The following NTM variants were observed in gnomAD, a reference collection of about 807,000 sequenced individuals.
NTM encodes the protein IgLON family member 2.
Under a neutral mutation model 42.1 loss-of-function variants are expected in NTM, and 13 were observed. The observed-to-expected ratio is 0.31, with a 90% CI of 0.20 to 0.49. The LOEUF (loss-of-function observed/expected upper bound fraction) is 0.49. Ranked by LOEUF, NTM falls within the 20% of genes least tolerant of loss-of-function variation. The pLI is 0.99. For missense variants in NTM, 373 were observed against 452.8 expected (o/e 0.82, Z 1.60); for synonymous variants, 187 against 179.2 (o/e 1.04, Z -0.35).
chr11:131,805,658 T>C (rs1332827706), intron 1 of NTM, among the ~76,000 whole-genome samples: 1 of 152,250 alleles, frequency 6.6e-6, no homozygotes, highest in Non-Finnish European at 1.5e-5. Context: ...TGTTAATTCA[T>C]GTTCTTTCTT....
chr11:131,605,100 A>G (rs557425760), intron 1 of NTM, among the ~76,000 whole-genome samples: 8 of 152,044 alleles, frequency 5.3e-5, no homozygotes, highest in Non-Finnish European at 7.4e-5. Context: ...CTGCAAAAAA[A>G]AAAGCCACAT....
intron 3 of NTM, among the ~76,000 whole-genome samples, chr11:132,199,285 C>T (rs1386255591): frequency 6.6e-6 from 1 of 152,132 alleles, no homozygotes; most frequent in African/African-American, 2.4e-5. Context: ...TCACCTAATT[C>T]ATATGGAGGA....
intron 2 of NTM, among the ~76,000 whole-genome samples, chr11:132,005,687 T>G (rs1565930666): frequency 6.6e-6 from 1 of 152,186 alleles, no homozygotes. Context: ...TTGTGTGGTG[T>G]TGTTTTCATA....
At chr11:131,694,935 G>A (rs2075255025) in intron 1 of NTM, among the ~76,000 whole-genome samples, 3 of 152,202 alleles carry the variant, frequency 2.0e-5, no homozygotes, top group African/African-American at 7.2e-5. Flanking sequence ...GCCGGAATGG[G>A]GCCTGGGAAG....
intron 2 of NTM, among the ~76,000 whole-genome samples, chr11:132,009,614 C>T (rs1396363979): frequency 2.0e-5 from 3 of 152,334 alleles, no homozygotes; most frequent in Non-Finnish European, 4.4e-5. Context: ...GCCCTAATTC[C>T]GGTGCACTGC....
intron 1 of NTM, among the ~76,000 whole-genome samples, chr11:131,516,325 C>A (rs1006286798): frequency 6.6e-6 from 1 of 152,204 alleles, no homozygotes; most frequent in African/African-American, 2.4e-5. Context: ...CTTCTGAATT[C>A]AGTCTTCTGA....
chr11:132,213,170 G>A (rs1196339627), intron 4 of NTM, among the ~76,000 whole-genome samples: 2 of 152,162 alleles, frequency 1.3e-5, no homozygotes, highest in Non-Finnish European at 2.9e-5. Flanking sequence ...ATATGTGCCG[G>A]TGTGCACAGA....
chr11:131,894,470 G>A (rs1236531976), intron 1 of NTM, among the ~76,000 whole-genome samples: 1 of 152,200 alleles, frequency 6.6e-6, no homozygotes, highest in Non-Finnish European at 1.5e-5. Flanking sequence ...GCTCTGAAAA[G>A]CAGTACTGAG....
intron 3 of NTM, among the ~76,000 whole-genome samples, chr11:132,155,626 G>GT (rs1170195314): frequency 2.0e-5 from 3 of 152,152 alleles, no homozygotes; most frequent in African/African-American, 7.2e-5. Context: ...TCACAGTTTT[G>GT]TTTGGGCATG....
chr11:132,149,017 G>A (rs1020341295), intron 3 of NTM, among the ~76,000 whole-genome samples: 1 of 152,066 alleles, frequency 6.6e-6, no homozygotes. Flanking sequence ...AACAAGCTGG[G>A]TTAAAAAAGG....
chr11:131,690,032 G>A (rs1214714706), intron 1 of NTM, among the ~76,000 whole-genome samples: 1 of 152,162 alleles, frequency 6.6e-6, no homozygotes, highest in Non-Finnish European at 1.5e-5. Flanking sequence ...AGAGACCCAT[G>A]TTGCTGAATT....
intron 1 of NTM, among the ~76,000 whole-genome samples, chr11:131,894,105 T>A (rs2051827717): frequency 6.6e-6 from 1 of 152,160 alleles, no homozygotes; most frequent in Non-Finnish European, 1.5e-5. Flanking sequence ...ACCGAACACC[T>A]CTGTGAACAA....
chr11:132,320,930 C>T (rs1238013639), intron 7 of NTM, among the ~76,000 whole-genome samples: 4 of 150,956 alleles, frequency 2.6e-5, no homozygotes, highest in Admixed American at 6.6e-5. Flanking sequence ...ACACCTCACA[C>T]TGCAGGGTAC....
At chr11:132,323,788 C>G (rs201373521) in intron 7 of NTM, among the ~76,000 whole-genome samples, 303 of 142,782 alleles carry the variant, frequency 2.1e-3, no homozygotes, top group Middle Eastern at 7.5e-3. Context: ...AAAATACTGG[C>G]AAACTGAATC....
At chr11:132,080,068 G>A (rs909506052) in intron 2 of NTM, among the ~76,000 whole-genome samples, 3 of 152,174 alleles carry the variant, frequency 2.0e-5, no homozygotes, top group African/African-American at 7.2e-5. Context: ...TATGATAAAT[G>A]TGAAGAGTTT....
intron 1 of NTM, among the ~76,000 whole-genome samples, chr11:131,643,792 A>G (rs1166495089): frequency 1.3e-5 from 2 of 151,280 alleles, no homozygotes; most frequent in Non-Finnish European, 2.9e-5. Flanking sequence ...GTCACAGAAT[A>G]CAGGGCCAGG....
chr11:132,070,422 T>C (rs2057379219), intron 2 of NTM, among the ~76,000 whole-genome samples: 3 of 127,340 alleles, frequency 2.4e-5, no homozygotes, highest in Non-Finnish European at 3.3e-5. Flanking sequence ...AAACTGACCG[T>C]CACAGGTTAG....
At chr11:132,136,751 G>A (rs571379619) in intron 2 of NTM, among the ~76,000 whole-genome samples, 75 of 152,260 alleles carry the variant, frequency 4.9e-4, no homozygotes, top group African/African-American at 1.8e-3. Flanking sequence ...TCATGTTCAA[G>A]TTCTAAGTAT....
intron 4 of NTM, among the ~76,000 whole-genome samples, chr11:132,283,686 G>A (rs925698524): frequency 2.0e-5 from 3 of 152,170 alleles, no homozygotes; most frequent in Non-Finnish European, 4.4e-5. Flanking sequence ...ACCTCTAGGC[G>A]GTACTTCATA....
Sources: gnomAD v4.1 joint callset for allele counts (sites outside exome capture counted in the v4.1 genomes callset) on GRCh38, gnomAD v4.1.1 for gene constraint, MANE v1.5 for transcripts, NCBI Gene and HGNC (gene_info 2026-07-23, HGNC 2026-07-21) for gene names.